DHRS7B: variants seen among roughly 807,000 people sequenced by gnomAD.
The protein encoded by DHRS7B is dehydrogenase/reductase 7B.
A neutral mutation model predicts 26.4 loss-of-function variants in DHRS7B; 24 were observed. The ratio of observed to expected loss-of-function variants is 0.91; its 90% CI spans 0.66 to 1.28. DHRS7B has a LOEUF of 1.28. Among genes scored for constraint, DHRS7B ranks in the 50% most tolerant of loss-of-function variants. The pLI is 0.00. For synonymous variants in DHRS7B, 142 were observed against 166.4 expected, an observed-to-expected ratio of 0.85 and a Z score of 1.13; for missense variants, 368 against 419.4, an observed-to-expected ratio of 0.88 and a Z score of 1.07.
chr17:21,165,907 C>T (rs1974100756), intron 1 of DHRS7B, among the ~76,000 whole-genome samples: 1 of 121,670 alleles, frequency 8.2e-6, no homozygotes, highest in Admixed American at 8.7e-5. Flanking sequence ...CAGAGCAAGA[C>T]TCCGTCTCCA....
intron 1 of DHRS7B, among the ~76,000 whole-genome samples, chr17:21,153,551 C>G (rs138408701): frequency 6.6e-6 from 1 of 152,270 alleles, no homozygotes; most frequent in East Asian, 1.9e-4. Context: ...GTTCAGAGAA[C>G]ACCAAGCAGG....
At chr17:21,182,143 G>C (rs980864666) in intron 3 of DHRS7B, among the ~76,000 whole-genome samples, 4 of 152,136 alleles carry the variant, frequency 2.6e-5, no homozygotes, top group Non-Finnish European at 5.9e-5. Flanking sequence ...ACCATGAAAG[G>C]GTGTTAGATT....
chr17:21,149,658 T>C (rs889123889), intron 1 of DHRS7B, among the ~76,000 whole-genome samples: 1 of 152,130 alleles, frequency 6.6e-6, no homozygotes. Context: ...TTAAACATAT[T>C]TTTCTTTGTT....
At chr17:21,183,847 T>G (rs183055899) in intron 4 of DHRS7B, 37 bp downstream of exon 4, 1 of 1,566,056 alleles carries the variant, frequency 6.4e-7, no homozygotes, top group South Asian at 1.1e-5. Context: ...ATAAGTGATA[T>G]GTTGGCATTC....
chr17:21,127,044 T>G (rs1366315573), intron 1 of DHRS7B, 53 bp downstream of exon 1: 1 of 1,458,670 alleles, frequency 6.9e-7, no homozygotes, highest in Admixed American at 3.2e-5. Context: ...GGTCTGGCCT[T>G]GAGCTGAGGC....
chr17:21,182,065 G>GT (rs1261718966), intron 3 of DHRS7B, among the ~76,000 whole-genome samples: 2 of 152,172 alleles, frequency 1.3e-5, no homozygotes, highest in Non-Finnish European at 1.5e-5. Context: ...TTATCTGTGG[G>GT]TTTTTCATAA....
chr17:21,170,348 A>T (rs1314717407), intron 1 of DHRS7B, among the ~76,000 whole-genome samples: 1 of 152,204 alleles, frequency 6.6e-6, no homozygotes, highest in African/African-American at 2.4e-5. Flanking sequence ...CTTGGGACCC[A>T]GCATAGCCTG....
intron 1 of DHRS7B, among the ~76,000 whole-genome samples, chr17:21,132,512 C>T (rs1370064651): frequency 8.9e-6 from 1 of 112,266 alleles, no homozygotes; most frequent in African/African-American, 3.5e-5. Flanking sequence ...GCCTAGGTGG[C>T]AGAGGGAGAC....
chr17:21,142,317 T>G (rs1191641091), intron 1 of DHRS7B, among the ~76,000 whole-genome samples: 1 of 152,182 alleles, frequency 6.6e-6, no homozygotes, highest in Non-Finnish European at 1.5e-5. Context: ...AATCTATAGA[T>G]AACATCAGTT....
chr17:21,144,326 A>G (rs776273175), intron 1 of DHRS7B, among the ~76,000 whole-genome samples: 4 of 152,176 alleles, frequency 2.6e-5, no homozygotes, highest in Middle Eastern at 3.2e-3. Flanking sequence ...CAAAGGGGAT[A>G]AGTTCCCAAA....
chr17:21,134,603 C>G (rs749680617), intron 1 of DHRS7B, among the ~76,000 whole-genome samples: 2 of 152,206 alleles, frequency 1.3e-5, no homozygotes, highest in Non-Finnish European at 2.9e-5. Context: ...CCATTCCAGT[C>G]AAAGCCTTGG....
rs61472975 is a variant in DHRS7B, at chr17:21,189,216, G to T, written c.772+353G>T. ...AGTATTATCGGCATCGGGATTGAGT[G>T]AATTGACCTCATGGCAAGTGTAGGG... On this transcript the variant is annotated intron_variant, in intron 6 of 6. Transcript: ENST00000395511. 4.0e-3 allele frequency among the ~76,000 whole-genome samples: 609 copies of T among 152,288 alleles called. 3 individuals are homozygous for T. Among genetic ancestry groups the T allele is most frequent in the African/African-American group, 0.013 (555 of 41,558 alleles).
Position 21,187,982 on chromosome 17 carries a change from G to A in DHRS7B, c.620-729G>A, listed in dbSNP as rs1311496659. Among the ~76,000 whole-genome samples, 13 of 152,166 alleles carry A rather than the reference G, an allele frequency of 8.5e-5. No individual in the cohort carries two copies. In the East Asian group the frequency reaches 2.5e-3, roughly 29 times the overall value. On this transcript the variant is annotated intron_variant, in intron 5 of 6. Coordinates refer to ENST00000395511, the MANE Select transcript of DHRS7B (RefSeq NM_015510.5). The stretch of plus-strand genomic sequence containing the variant: ...TCCTGCCTCAGCCTCCCGTGTAGCT[G>A]GGACTACAGGCACCCGCCACCAAGC...
chr17:21,132,556 A>G (rs1332652603), intron 1 of DHRS7B, among the ~76,000 whole-genome samples: 2 of 150,564 alleles, frequency 1.3e-5, no homozygotes, highest in Admixed American at 1.3e-4. Context: ...AAAACAAAAA[A>G]AAAACAGGGA....
chr17:21,152,231 T>G (rs1021478635), intron 1 of DHRS7B, among the ~76,000 whole-genome samples: 8 of 152,142 alleles, frequency 5.3e-5, no homozygotes, highest in African/African-American at 1.9e-4. Flanking sequence ...CTCAGCTCAC[T>G]GTAGCCTCAG....
chr17:21,150,746 A>G (rs927967897), intron 1 of DHRS7B, among the ~76,000 whole-genome samples: 3 of 152,230 alleles, frequency 2.0e-5, no homozygotes, highest in Non-Finnish European at 4.4e-5. Flanking sequence ...CATATTTATT[A>G]TTTTATAGTT....
chr17:21,157,154 C>T (rs927942788), intron 1 of DHRS7B, among the ~76,000 whole-genome samples: 3 of 151,384 alleles, frequency 2.0e-5, no homozygotes, highest in African/African-American at 4.8e-5. Context: ...AGAATTATAC[C>T]AATTCTCTAC....
At chr17:21,174,680 G>T (rs572655584) in intron 2 of DHRS7B, among the ~76,000 whole-genome samples, 1 of 152,186 alleles carries the variant, frequency 6.6e-6, no homozygotes, top group South Asian at 2.1e-4. Flanking sequence ...AGACTCCAGC[G>T]GGACTCCCAC....
At chr17:21,145,065 T>C (rs984709544) in intron 1 of DHRS7B, among the ~76,000 whole-genome samples, 2 of 151,738 alleles carry the variant, frequency 1.3e-5, no homozygotes, top group African/African-American at 2.4e-5. Flanking sequence ...TGGCTCATGC[T>C]TGTAATCCCA....
Sources: gnomAD v4.1 joint callset for allele counts (sites outside exome capture counted in the v4.1 genomes callset) on GRCh38, gnomAD v4.1.1 for gene constraint, MANE v1.5 for transcripts, NCBI Gene and HGNC (gene_info 2026-07-23, HGNC 2026-07-21) for gene names.